GRM8: variants seen among roughly 807,000 people sequenced by gnomAD.
GRM8 encodes the protein metabotropic glutamate receptor 8.
Under a neutral mutation model 87.2 loss-of-function variants are expected in GRM8, and 47 were observed. The observed-to-expected ratio is 0.54, with a 90% CI of 0.43 to 0.69. GRM8 has a LOEUF of 0.69. GRM8 is among the 30% of genes least tolerant of loss of function. GRM8 has a pLI of 0.00. For synonymous variants in GRM8, 396 were observed against 404.5 expected, an observed-to-expected ratio of 0.98 and a Z score of 0.25; for missense variants, 1,019 against 1,139.2, an observed-to-expected ratio of 0.89 and a Z score of 1.52.
intron 2 of GRM8, among the ~76,000 whole-genome samples, chr7:127,178,711 A>T (rs576596911): frequency 1.9e-4 from 29 of 152,336 alleles, no homozygotes; most frequent in Non-Finnish European, 4.1e-4. Context: ...AACAATTATC[A>T]GCCAAGAATT....
chr7:126,614,874 T>A (rs1479575905), intron 7 of GRM8, among the ~76,000 whole-genome samples: 1 of 152,078 alleles, frequency 6.6e-6, no homozygotes. Context: ...CGGGACTATG[T>A]GAAAAGACCA....
intron 7 of GRM8, among the ~76,000 whole-genome samples, chr7:126,691,594 A>G (rs1348713547): frequency 6.6e-6 from 1 of 152,196 alleles, no homozygotes; most frequent in African/African-American, 2.4e-5. Flanking sequence ...CACTCCAGAC[A>G]GGCCGTTGCT....
intron 2 of GRM8, among the ~76,000 whole-genome samples, chr7:127,182,943 AGT>A (rs1163345373): frequency 6.6e-6 from 1 of 151,918 alleles, no homozygotes; most frequent in African/African-American, 2.4e-5. Context: ...AATATAGTGC[AGT>A]GTATACTGCT....
At chr7:126,720,303 G>A (rs955419739) in intron 7 of GRM8, among the ~76,000 whole-genome samples, 1 of 151,848 alleles carries the variant, frequency 6.6e-6, no homozygotes. Flanking sequence ...CACCAAACCT[G>A]GATAATTTTT....
At chr7:126,722,807 T>A (rs1024417) in intron 7 of GRM8, among the ~76,000 whole-genome samples, 35,448 of 150,516 alleles carry the variant, frequency 0.24, 4,452 homozygotes, top group East Asian at 0.35. Context: ...AACTTCATAA[T>A]CTTTAAGGAG....
chr7:127,048,411 A>C lies in GRM8; in HGVS notation c.727+58085T>G, dbSNP rs564546606. Among the ~76,000 whole-genome samples the C allele has an allele frequency of 2.6e-5, 4 of 152,360 alleles. No homozygotes were observed. The East Asian group carries it at 7.7e-4, about 29-fold the overall frequency. ...CCTGGTGGGCTTTACTCTGACCAAAATGAGAAGCCACTGAAAGATTTTAAA... is the reference window on the plus strand; with the variant it reads ...CCTGGTGGGCTTTACTCTGACCAAACTGAGAAGCCACTGAAAGATTTTAAA... On this transcript the variant is annotated intron_variant, in intron 3 of 10. Transcript: ENST00000339582.
intron 3 of GRM8, among the ~76,000 whole-genome samples, chr7:126,965,675 T>C (rs934766253): frequency 1.3e-5 from 2 of 152,070 alleles, no homozygotes; most frequent in African/African-American, 4.8e-5. Flanking sequence ...AAGGGTTTTT[T>C]CCCTAATATA....
intron 9 of GRM8, among the ~76,000 whole-genome samples, chr7:126,451,871 C>T (rs1159852981): frequency 6.6e-6 from 1 of 151,714 alleles, no homozygotes; most frequent in African/African-American, 2.4e-5. Flanking sequence ...CCCCAACCTT[C>T]TACCAGTATT....
At chr7:127,113,936 C>A (rs555480796) in intron 2 of GRM8, among the ~76,000 whole-genome samples, 1 of 152,096 alleles carries the variant, frequency 6.6e-6, no homozygotes, top group African/African-American at 2.4e-5. Flanking sequence ...GCCCAACTCT[C>A]CCGACACTGC....
At chr7:126,979,729 G>A (rs1359116554) in intron 3 of GRM8, among the ~76,000 whole-genome samples, 8 of 152,098 alleles carry the variant, frequency 5.3e-5, no homozygotes, top group African/African-American at 1.9e-4. Flanking sequence ...TCTTTCCCTG[G>A]TGAAGTAACC....
intron 2 of GRM8, among the ~76,000 whole-genome samples, chr7:127,234,616 G>A (rs1450056643): frequency 1.3e-5 from 2 of 152,228 alleles, no homozygotes; most frequent in South Asian, 2.1e-4. Context: ...AAAGTGTGAT[G>A]TGCAAAAGAG....
intron 6 of GRM8, among the ~76,000 whole-genome samples, chr7:126,887,237 A>G (rs1800581932): frequency 6.6e-6 from 1 of 152,128 alleles, no homozygotes; most frequent in Non-Finnish European, 1.5e-5. Context: ...CATAAAGACA[A>G]ATTGAATAAT....
intron 9 of GRM8, among the ~76,000 whole-genome samples, chr7:126,464,531 T>C (rs1369426276): frequency 6.6e-6 from 1 of 151,748 alleles, no homozygotes; most frequent in Non-Finnish European, 1.5e-5. Context: ...TTTCTGATTG[T>C]TTTGTGGTCT....
chr7:126,666,572 A>C (rs1385668906), intron 7 of GRM8, among the ~76,000 whole-genome samples: 2 of 152,194 alleles, frequency 1.3e-5, no homozygotes, highest in African/African-American at 2.4e-5. Context: ...TACTGCGTCC[A>C]GCATGTCACA....
intron 3 of GRM8, among the ~76,000 whole-genome samples, chr7:127,013,275 C>A (rs1388025232): frequency 2.0e-5 from 3 of 152,136 alleles, no homozygotes; most frequent in South Asian, 4.1e-4. Context: ...TTTCTCTGAG[C>A]TGTTTTCTGT....
At chr7:126,711,858 T>C (rs968718949) in intron 7 of GRM8, among the ~76,000 whole-genome samples, 1 of 152,324 alleles carries the variant, frequency 6.6e-6, no homozygotes, top group Non-Finnish European at 1.5e-5. Flanking sequence ...TCAGCCTTCA[T>C]AGAATTGAAG....
chr7:126,824,052 C>T (rs2130235399), intron 6 of GRM8, among the ~76,000 whole-genome samples: 1 of 152,152 alleles, frequency 6.6e-6, no homozygotes. Flanking sequence ...GTTTAGATTC[C>T]ATGTTACCAG....
chr7:127,239,783 C>T (rs1798180212), intron 2 of GRM8, among the ~76,000 whole-genome samples: 1 of 152,142 alleles, frequency 6.6e-6, no homozygotes. Flanking sequence ...AAAAATCAAA[C>T]TAAAGTAGCA....
intron 3 of GRM8, 118 bp from the exon 4 acceptor site, chr7:126,904,801 T>TGAGA: frequency 3.4e-6 from 3 of 873,876 alleles, no homozygotes; most frequent in Non-Finnish European, 5.5e-6. Context: ...TCAAAATATG[T>TGAGA]GTCACTCTCA....
Sources: allele counts gnomAD v4.1 joint callset (sites outside exome capture counted in the v4.1 genomes callset), GRCh38; gene constraint gnomAD v4.1.1; transcripts MANE v1.5; gene names NCBI Gene and HGNC (gene_info 2026-07-23, HGNC 2026-07-21).